Variants in KIAA0586 observed in about 807,000 individuals in gnomAD.
KIAA0586 encodes the protein KIAA0586.
KIAA0586 carries 144 observed loss-of-function variants against 169.8 expected under a neutral mutation model. The observed-to-expected ratio is 0.85, with a 90% CI of 0.74 to 0.97. The LOEUF is 0.97. Ranked by LOEUF, KIAA0586 falls within the 50% of genes least tolerant of loss-of-function variation. The probability of loss-of-function intolerance (pLI) is 0.00; values close to 1 mark genes in which losing one functional copy is unlikely to be tolerated. For missense variants in KIAA0586, 1,854 were observed against 1,823.0 expected (o/e 1.02, Z -0.31); for synonymous variants, 625 against 612.4 (o/e 1.02, Z -0.30).
Position 58,537,176 on chromosome 14 carries a change from CACTT to C in KIAA0586, c.4430-2890_4430-2887del, listed in dbSNP as rs2046340730. 5 of 1,053,302 alleles carry C rather than the reference CACTT, an allele frequency of 4.7e-6. No individual in the cohort carries two copies. In the South Asian group the frequency reaches 8.5e-5, roughly 18 times the overall value. The allele number at this position is 1,053,302 out of a possible 1,614,324, so 65.2% of individuals were successfully genotyped here. A position where few individuals can be genotyped will look rare whatever the true frequency, so the allele number is the denominator to read the frequency against. The stretch of plus-strand genomic sequence containing the variant: ...AATCAACAAGTGAGAATTATGAAGC[CACTT>C]ACTTGTTATAAGAATAAAAGTGGTC... On this transcript the variant is annotated intron_variant, in intron 29 of 30. Coordinates refer to ENST00000652326, the MANE Select transcript of KIAA0586 (RefSeq NM_001329943.3).
intron 30 of KIAA0586, among the ~76,000 whole-genome samples, chr14:58,546,717 A>C (rs1160024251): frequency 6.6e-6 from 1 of 152,152 alleles, no homozygotes; most frequent in Non-Finnish European, 1.5e-5. Context: ...TACGTAGTCA[A>C]CTTTGAATTT....
intron 29 of KIAA0586, among the ~76,000 whole-genome samples, chr14:58,536,442 T>C (rs1478734821): frequency 6.6e-6 from 1 of 152,222 alleles, no homozygotes; most frequent in Non-Finnish European, 1.5e-5. Flanking sequence ...GTTAGTGGCC[T>C]ATGAGCTCCA....
intron 9 of KIAA0586, among the ~76,000 whole-genome samples, chr14:58,453,771 T>G (rs1374529615): frequency 2.0e-5 from 3 of 152,126 alleles, no homozygotes; most frequent in Admixed American, 2.0e-4. Context: ...GGCAAGTAAG[T>G]TGGGAGTATA....
intron 24 of KIAA0586, 125 bp downstream of exon 24, chr14:58,488,999 G>A: frequency 1.1e-6 from 1 of 927,766 alleles, no homozygotes; most frequent in Non-Finnish European, 1.6e-6. Flanking sequence ...GAAAGAATAG[G>A]GGACTCAATG....
At chr14:58,427,651 C>A (rs1036728165), upstream of KIAA0586, 5 of 1,535,570 alleles carry the variant, frequency 3.3e-6, no homozygotes, top group Admixed American at 3.9e-5. Flanking sequence ...AGTTTCTTGG[C>A]GCGCATGCGT....
intron 17 of KIAA0586, among the ~76,000 whole-genome samples, chr14:58,471,716 A>G (rs1219081591): frequency 6.6e-6 from 1 of 152,160 alleles, no homozygotes; most frequent in Non-Finnish European, 1.5e-5. Flanking sequence ...ACTGTTTATC[A>G]TTCTGCTGTC....
chr14:58,474,519 A>C, intron 18 of KIAA0586, 88 bp from the exon 19 acceptor site: 2 of 839,082 alleles, frequency 2.4e-6, no homozygotes, highest in Non-Finnish European at 3.5e-6. Flanking sequence ...AGGGTTTCTT[A>C]ATTCACCTAG....
chr14:58,507,317 ATATT>A (rs1194924755), intron 27 of KIAA0586, among the ~76,000 whole-genome samples: 3 of 146,704 alleles, frequency 2.0e-5, no homozygotes, highest in Admixed American at 6.9e-5. Flanking sequence ...TATATCATAT[ATATT>A]TATATATGAT....
chr14:58,488,849 C>T lies in KIAA0586; in HGVS notation c.3756C>T (p.Ser1252=). ...TCTCTGAAGGAGAGATTTTATTTAGCTGTGGTCAAAAATTGGCCCCCAAGA... is the reference window on the plus strand; with the variant it reads ...TCTCTGAAGGAGAGATTTTATTTAGTTGTGGTCAAAAATTGGCCCCCAAGA... ...KPISEGEILF[S]CGQKLAPKIL... is the part of the protein sequence containing the mutation. The change falls in exon 24 of 31, where the codon AGC becomes AGT. Residue 1252 remains serine (S), a synonymous_variant. Transcript: ENST00000652326. 6.2e-7 allele frequency: 1 copy of T among 1,613,760 alleles called. No homozygotes were observed. Among genetic ancestry groups the T allele is most frequent in the Non-Finnish European group, 8.5e-7 (1 of 1,179,808 alleles).
At chr14:58,475,673 G>T (rs1236068600) in intron 19 of KIAA0586, among the ~76,000 whole-genome samples, 2 of 152,046 alleles carry the variant, frequency 1.3e-5, no homozygotes, top group African/African-American at 4.8e-5. Context: ...AAGTGAAATG[G>T]CTGAATATTA....
intron 27 of KIAA0586, among the ~76,000 whole-genome samples, chr14:58,500,706 A>C (rs2043502746): frequency 7.0e-6 from 1 of 142,084 alleles, no homozygotes. Context: ...GGGCAGCAAG[A>C]GCGAGTCTCT....
chr14:58,486,259 A>G (rs1191433110), intron 21 of KIAA0586, among the ~76,000 whole-genome samples: 1 of 152,066 alleles, frequency 6.6e-6, no homozygotes, highest in Non-Finnish European at 1.5e-5. Context: ...AGCTCCATCC[A>G]TGTTGCTGCA....
chr14:58,483,092 AT>A (rs2042145629), intron 21 of KIAA0586, among the ~76,000 whole-genome samples: 1 of 152,216 alleles, frequency 6.6e-6, no homozygotes, highest in Non-Finnish European at 1.5e-5. Flanking sequence ...TACGTGGAGA[AT>A]TGGCCAATCC....
rs140524851 is a variant in KIAA0586 at position 58,493,103 on chromosome 14, C to T, written c.3990+828C>T. On this transcript the variant is annotated intron_variant, in intron 26 of 30. Coordinates refer to ENST00000652326, the MANE Select transcript of KIAA0586 (RefSeq NM_001329943.3). ...ACATGGGGGATCTGTCAGAACACCA[C>T]TGGAGTAGTCCCAGCAAGAGAGAAT... Among the ~76,000 whole-genome samples, 138 of 152,194 alleles carry T rather than the reference C, an allele frequency of 9.1e-4. No homozygotes were observed. The Middle Eastern group carries it at 0.037, about 41-fold the overall frequency.
chr14:58,427,627 G>T (rs1446069394), upstream of KIAA0586: 6 of 1,535,586 alleles, frequency 3.9e-6, no homozygotes, highest in Non-Finnish European at 5.2e-6. Flanking sequence ...CTTTCTGGTT[G>T]GATGTTTTGG....
rs369456313 is a variant in KIAA0586 at position 58,481,790 on chromosome 14, G to A, written c.2945-723G>A. Reference sequence around the variant, plus strand: ...CCCTCCCCCACCCACCCCCATACACGTATATTGGCATCTCTAAACTTTGTT... The same window carrying A: ...CCCTCCCCCACCCACCCCCATACACATATATTGGCATCTCTAAACTTTGTT... On this transcript the variant is annotated intron_variant, in intron 20 of 30. Transcript: ENST00000652326. Among the ~76,000 whole-genome samples, 6 of 89,764 alleles carry A rather than the reference G, an allele frequency of 6.7e-5. 1 individual carries two copies. Among genetic ancestry groups the A allele is most frequent in the Admixed American group, 1.8e-4 (1 of 5,444 alleles). The allele number at this position is 89,764 out of a possible 152,430, so 58.9% of individuals were successfully genotyped here.
chr14:58,526,464 G>A (rs1408763373), intron 29 of KIAA0586, among the ~76,000 whole-genome samples: 1 of 152,174 alleles, frequency 6.6e-6, no homozygotes, highest in Admixed American at 6.5e-5. Context: ...CTGCAGCAGA[G>A]GGGCGTGAAT....
At chr14:58,490,273 G>C (rs1330200381) in intron 25 of KIAA0586, 33 bp downstream of exon 25, 2 of 1,228,746 alleles carry the variant, frequency 1.6e-6, no homozygotes, top group East Asian at 5.4e-5. Context: ...ACTGAATTCT[G>C]ACAGGAAGAA....
chr14:58,560,329 A>G, the KIAA0586 span, among the ~76,000 whole-genome samples: 1 of 152,188 alleles, frequency 6.6e-6, no homozygotes, highest in African/African-American at 2.4e-5. Context: ...CAGCTGAGTA[A>G]TGGTGAGATC....
Sources: gnomAD v4.1 joint callset for allele counts (sites outside exome capture counted in the v4.1 genomes callset) on GRCh38, gnomAD v4.1.1 for gene constraint, MANE v1.5 for transcripts, NCBI Gene and HGNC (gene_info 2026-07-23, HGNC 2026-07-21) for gene names.